LRBA: variants seen among roughly 807,000 people sequenced by gnomAD.
LRBA encodes lipopolysaccharide-responsive and beige-like anchor protein.
In LRBA, 176 loss-of-function variants were observed where a neutral mutation model predicts 330.0. The observed-to-expected ratio is 0.53, with a 90% CI of 0.47 to 0.60. The LOEUF (loss-of-function observed/expected upper bound fraction) is 0.60. Ranked by LOEUF, LRBA falls within the 20% of genes least tolerant of loss-of-function variation. The pLI is 0.00. For missense variants in LRBA, 3,259 were observed against 3,444.8 expected (o/e 0.95, Z 1.35); for synonymous variants, 1,230 against 1,193.0 (o/e 1.03, Z -0.64).
chr4:150,481,890 T>C (rs568861882), intron 42 of LRBA, among the ~76,000 whole-genome samples: 195 of 152,238 alleles, frequency 1.3e-3, no homozygotes, highest in African/African-American at 4.5e-3. Flanking sequence ...CTATTAATAT[T>C]TGCTTAAAAG....
chr4:150,268,021 T>A lies in LRBA; in HGVS notation c.8469-2209A>T, dbSNP rs548465471. Among the ~76,000 whole-genome samples the A allele has an allele frequency of 3.3e-5, 5 of 149,626 alleles. No individual in the cohort carries two copies. In the South Asian group the frequency reaches 6.4e-4, roughly 19 times the overall value. ...GTTGCAGTGAGCTGAGATTGCACCA[T>A]TGCACTCCAGCCTGGGTGATAGAGT... On this transcript the variant is annotated intron_variant, in intron 56 of 56. Coordinates refer to ENST00000651943, the MANE Select transcript of LRBA (RefSeq NM_001364905.1).
At chr4:150,725,930 C>T (rs904827755) in intron 36 of LRBA, among the ~76,000 whole-genome samples, 1 of 152,102 alleles carries the variant, frequency 6.6e-6, no homozygotes, top group Non-Finnish European at 1.5e-5. Context: ...ATTAGTTTTA[C>T]ATAACAGGTT....
intron 2 of LRBA, among the ~76,000 whole-genome samples, chr4:150,996,442 A>G (rs1742652210): frequency 6.6e-6 from 1 of 152,174 alleles, no homozygotes. Context: ...ATAAGCCACA[A>G]CTAGAGGTAT....
At chr4:150,339,444 A>T (rs1735200404) in intron 48 of LRBA, among the ~76,000 whole-genome samples, 1 of 152,176 alleles carries the variant, frequency 6.6e-6, no homozygotes, top group African/African-American at 2.4e-5. Context: ...TCCTCATGTT[A>T]ACATACATTG....
intron 40 of LRBA, among the ~76,000 whole-genome samples, chr4:150,547,125 CTTCT>C (rs1765945379): frequency 6.6e-6 from 1 of 151,908 alleles, no homozygotes. Context: ...ATTTAAGTTC[CTTCT>C]TTAATTTCTA....
intron 40 of LRBA, among the ~76,000 whole-genome samples, chr4:150,555,756 A>AAAACACAC: frequency 6.9e-6 from 1 of 144,700 alleles, no homozygotes; most frequent in South Asian, 2.3e-4. Flanking sequence ...GTCTTATAAA[A>AAAACACAC]ACACACACAC....
Position 150,852,615 on chromosome 4 carries a change from C to G in LRBA, c.3095G>C (p.Gly1032Ala). Reference sequence around the variant, plus strand: ...ATTTGTCAGTGTTTCTTCCAAAGTGCCTTCATCTGGTAACTCCTGATTTTC... The same window carrying G: ...ATTTGTCAGTGTTTCTTCCAAAGTGGCTTCATCTGGTAACTCCTGATTTTC... Reference protein sequence around the residue: ...EQENQELPDEGTLEETLTNET... With the variant: ...EQENQELPDEATLEETLTNET... Residue 1032 changes from glycine (G) to alanine (A), a missense_variant, in exon 23 of 57, where the codon GGC becomes GCC. Gly to Ala is a moderately conservative substitution (Grantham distance 60, BLOSUM62 0). Coordinates refer to ENST00000651943, the MANE Select transcript of LRBA (RefSeq NM_001364905.1). 1 of 1,613,994 alleles carries G rather than the reference C, an allele frequency of 6.2e-7. No individual in the cohort carries two copies.
intron 40 of LRBA, among the ~76,000 whole-genome samples, chr4:150,558,384 T>C (rs1205151553): frequency 1.3e-5 from 2 of 152,254 alleles, no homozygotes; most frequent in African/African-American, 2.4e-5. Flanking sequence ...GACTCCTATT[T>C]ACTTCATACT....
At chr4:150,387,259 T>G (rs957690515) in intron 47 of LRBA, among the ~76,000 whole-genome samples, 1 of 152,188 alleles carries the variant, frequency 6.6e-6, no homozygotes, top group African/African-American at 2.4e-5. Context: ...TCATTCATAT[T>G]CTTCCATTAA....
chr4:150,329,143 C>T (rs1733674773), intron 48 of LRBA, among the ~76,000 whole-genome samples: 1 of 152,138 alleles, frequency 6.6e-6, no homozygotes, highest in Non-Finnish European at 1.5e-5. Context: ...GTCTCTCACA[C>T]AGGTTAAATA....
At chr4:150,678,051 C>T (rs1782725937) in intron 37 of LRBA, among the ~76,000 whole-genome samples, 1 of 151,788 alleles carries the variant, frequency 6.6e-6, no homozygotes, top group Non-Finnish European at 1.5e-5. Context: ...ACCAGCCTGG[C>T]CAACATGGTG....
chr4:150,710,328 A>AG (rs2127032842), intron 36 of LRBA, among the ~76,000 whole-genome samples: 1 of 152,226 alleles, frequency 6.6e-6, no homozygotes, highest in African/African-American at 2.4e-5. Context: ...AGTAGTTAAC[A>AG]GGGGAATATA....
At chr4:150,734,809 T>TA (rs1038324579) in intron 36 of LRBA, among the ~76,000 whole-genome samples, 87 of 152,318 alleles carry the variant, frequency 5.7e-4, no homozygotes, top group Admixed American at 5.6e-3. Flanking sequence ...CAAATACTGT[T>TA]ACGCTCTCAA....
Position 150,896,413 on chromosome 4 carries a change from T to A in LRBA, c.2048A>T (p.Tyr683Phe). Residue 683 changes from tyrosine (Y) to phenylalanine (F), a missense_variant, in exon 16 of 57, where the codon TAC becomes TTC. Physicochemically the swap from Tyr to Phe is conservative, Grantham distance 22. Coordinates refer to ENST00000651943, the MANE Select transcript of LRBA (RefSeq NM_001364905.1). Reference protein sequence around the residue: ...KEDELQAILNYLLTMHEDDNL... With the variant: ...KEDELQAILNFLLTMHEDDNL... The stretch of plus-strand genomic sequence containing the variant: ...TATTACCTCATGCATAGTCAGTAGG[T>A]AATTAAGAATGGCCTGTAATTCATC... The A allele has an allele frequency of 6.5e-7, 1 of 1,542,614 alleles. No individual in the cohort carries two copies. Among genetic ancestry groups the A allele is most frequent in the Non-Finnish European group, 8.9e-7 (1 of 1,123,904 alleles).
intron 40 of LRBA, among the ~76,000 whole-genome samples, chr4:150,526,977 T>A (rs1470389389): frequency 6.6e-6 from 1 of 151,838 alleles, no homozygotes; most frequent in Admixed American, 6.6e-5. Flanking sequence ...AAGTTTTTAA[T>A]CAATGAGAGA....
intron 47 of LRBA, among the ~76,000 whole-genome samples, chr4:150,372,944 T>C (rs982268717): frequency 6.6e-6 from 1 of 151,892 alleles, no homozygotes; most frequent in African/African-American, 2.4e-5. Context: ...TTTTGAATCA[T>C]TTGATCTGAG....
chr4:150,474,149 T>G (rs1305630650), intron 42 of LRBA, among the ~76,000 whole-genome samples: 1 of 152,206 alleles, frequency 6.6e-6, no homozygotes, highest in Non-Finnish European at 1.5e-5. Context: ...AGTTAATTTT[T>G]TTGACTGGTA....
At chr4:150,878,721 A>G (rs1728029744) in intron 17 of LRBA, among the ~76,000 whole-genome samples, 1 of 152,170 alleles carries the variant, frequency 6.6e-6, no homozygotes, top group South Asian at 2.1e-4. Flanking sequence ...CTCTATGCAC[A>G]CAAACTAGAA....
chr4:150,476,241 T>G (rs946369839), intron 42 of LRBA, among the ~76,000 whole-genome samples: 14 of 152,186 alleles, frequency 9.2e-5, no homozygotes, highest in African/African-American at 3.4e-4. Flanking sequence ...AAGCTGTAAA[T>G]TTTCACTTAA....
Sources: gnomAD v4.1 joint callset for allele counts (sites outside exome capture counted in the v4.1 genomes callset) on GRCh38, gnomAD v4.1.1 for gene constraint, MANE v1.5 for transcripts, NCBI Gene and HGNC (gene_info 2026-07-23, HGNC 2026-07-21) for gene names.